The following NDUFAF6 variants were observed in gnomAD, a reference collection of about 807,000 sequenced individuals.
The protein encoded by NDUFAF6 is NADH:ubiquinone oxidoreductase complex assembly factor 6.
Under a neutral mutation model 40.8 loss-of-function variants are expected in NDUFAF6, and 45 were observed. The ratio of observed to expected loss-of-function variants is 1.10; its 90% CI spans 0.87 to 1.42. The LOEUF is 1.42. Ranked by LOEUF, NDUFAF6 falls within the 40% of genes most tolerant of loss-of-function variation. NDUFAF6 has a pLI of 0.00. For synonymous variants in NDUFAF6, 185 were observed against 155.9 expected, an observed-to-expected ratio of 1.19 and a Z score of -1.39; for missense variants, 435 against 418.5, an observed-to-expected ratio of 1.04 and a Z score of -0.34.
rs142562588 is a variant in NDUFAF6 at position 95,042,036 on chromosome 8, A to G, written c.477+410A>G. On this transcript the variant is annotated intron_variant, in intron 4 of 8. Transcript: ENST00000396124. The stretch of plus-strand genomic sequence containing the variant: ...AAAACATAGCCATGATATGATTATC[A>G]TACCTTAAAAATTACTAATTATTCC... 7.4e-3 allele frequency among the ~76,000 whole-genome samples: 1,121 copies of G among 152,376 alleles called. 16 individuals are homozygous for G. The highest frequency in any genetic ancestry group is 0.025 in the African/African-American group (1,057 of 41,592).
At chr8:94,914,823 G>C (rs1194134249) in intron 1 of NDUFAF6, among the ~76,000 whole-genome samples, 1 of 148,346 alleles carries the variant, frequency 6.7e-6, no homozygotes, top group African/African-American at 2.5e-5. Context: ...AGGCGGAGGC[G>C]TCTCAAAAAA....
At chr8:95,064,015 G>A (rs188483985) in intron 9 of NDUFAF6, among the ~76,000 whole-genome samples, 3 of 147,150 alleles carry the variant, frequency 2.0e-5, no homozygotes, top group Non-Finnish European at 3.0e-5. Flanking sequence ...GGGACTACAC[G>A]TGCCCGCCAC....
intron 1 of NDUFAF6, among the ~76,000 whole-genome samples, chr8:95,029,598 A>G (rs545186595): frequency 1.3e-5 from 2 of 152,340 alleles, no homozygotes; most frequent in Admixed American, 6.5e-5. Flanking sequence ...TACATCCAAA[A>G]TCATGTGCTA....
intron 8 of NDUFAF6, among the ~76,000 whole-genome samples, chr8:95,053,925 CTT>C (rs71273448): frequency 1.1e-4 from 4 of 37,040 alleles, no homozygotes; most frequent in Admixed American, 4.6e-4. Flanking sequence ...CCGTGCCCGG[CTT>C]TTTTTTTTTT....
At chr8:94,984,383 G>C (rs1455565948) in intron 2 of NDUFAF6, among the ~76,000 whole-genome samples, 1 of 152,176 alleles carries the variant, frequency 6.6e-6, no homozygotes, top group Non-Finnish European at 1.5e-5. Flanking sequence ...ATTTGGGCAA[G>C]AGCCATATAT....
At chr8:94,942,641 G>C (rs190071349) in intron 1 of NDUFAF6, among the ~76,000 whole-genome samples, 1 of 152,368 alleles carries the variant, frequency 6.6e-6, no homozygotes, top group Admixed American at 6.5e-5. Flanking sequence ...GCACAGGGGA[G>C]ATGGCTGTGA....
In NDUFAF6 at chr8:95,045,514, A is replaced by G. The variant is rs563241529; in HGVS notation, c.478-31A>G. 1.1e-4 allele frequency: 166 copies of G among 1,512,320 alleles called. 1 individual carries two copies. In the African/African-American group the frequency reaches 1.1e-3, roughly 10 times the overall value. 93.7% of individuals were successfully genotyped at this position (1,512,320 alleles called of 1,614,324 possible). On this transcript the variant is annotated intron_variant, in intron 4 of 8. Transcript: ENST00000396124. Reference sequence around the variant, plus strand: ...TTCTTTCTAAAATATTGACAGTTCAACAGACTTTATTTGCATTTTATTTGA... The same window carrying G: ...TTCTTTCTAAAATATTGACAGTTCAGCAGACTTTATTTGCATTTTATTTGA...
intron 1 of NDUFAF6, among the ~76,000 whole-genome samples, chr8:94,934,547 G>A (rs1405424106): frequency 6.6e-6 from 1 of 151,794 alleles, no homozygotes; most frequent in East Asian, 1.9e-4. Context: ...CAGCAAGCCT[G>A]GCTAATTTTT....
downstream of NDUFAF6, among the ~76,000 whole-genome samples, chr8:95,117,858 T>A (rs1810167217): frequency 1.3e-5 from 2 of 152,218 alleles, no homozygotes; most frequent in Admixed American, 1.3e-4. Context: ...ACTGCATGGA[T>A]ATCAGCTGCT....
At chr8:94,930,316 A>G (rs1820264917) in intron 1 of NDUFAF6, 3 of 938,334 alleles carry the variant, frequency 3.2e-6, no homozygotes, top group South Asian at 3.5e-5. Flanking sequence ...TGTGATACAC[A>G]GCATATAAAT....
intron 4 of NDUFAF6, among the ~76,000 whole-genome samples, chr8:95,043,247 G>A (rs1405778729): frequency 6.6e-6 from 1 of 150,828 alleles, no homozygotes; most frequent in African/African-American, 2.5e-5. Flanking sequence ...ACCACACTCG[G>A]CTAATTTTTT....
At chr8:94,948,181 C>A (rs558402010) in intron 2 of NDUFAF6, among the ~76,000 whole-genome samples, 4 of 152,252 alleles carry the variant, frequency 2.6e-5, no homozygotes, top group East Asian at 3.9e-4. Flanking sequence ...TCAGAAAATA[C>A]AAGCAAAACA....
intron 1 of NDUFAF6, among the ~76,000 whole-genome samples, chr8:94,909,996 A>G (rs1464350847): frequency 2.0e-5 from 3 of 151,718 alleles, no homozygotes; most frequent in African/African-American, 7.3e-5. Context: ...CCTTTCTGAC[A>G]TGGCCCTTCT....
At chr8:94,981,552 A>G (rs1421384228) in intron 2 of NDUFAF6, among the ~76,000 whole-genome samples, 1 of 152,138 alleles carries the variant, frequency 6.6e-6, no homozygotes, top group South Asian at 2.1e-4. Flanking sequence ...AAGGGAACAC[A>G]TCTTTTGAGC....
At chr8:94,930,201 T>C in intron 1 of NDUFAF6, 1 of 365,688 alleles carries the variant, frequency 2.7e-6, no homozygotes, top group Non-Finnish European at 4.9e-6. Flanking sequence ...ATGTATAACC[T>C]AATATATTTA....
intron 9 of NDUFAF6, among the ~76,000 whole-genome samples, chr8:95,075,311 T>A (rs1832995545): frequency 6.6e-6 from 1 of 152,208 alleles, no homozygotes; most frequent in African/African-American, 2.4e-5. Context: ...CATACAATAA[T>A]GTCATTTTTA....
chr8:94,940,142 G>A, intron 1 of NDUFAF6: 1 of 1,614,198 alleles, frequency 6.2e-7, no homozygotes, highest in Middle Eastern at 1.6e-4. Context: ...GGAAAAGACT[G>A]AAGGGTGCTC....
At chr8:94,942,037 G>A (rs1051228641) in intron 1 of NDUFAF6, among the ~76,000 whole-genome samples, 2 of 149,434 alleles carry the variant, frequency 1.3e-5, no homozygotes, top group East Asian at 2.0e-4. Context: ...CACCCTTCAC[G>A]CTTTTTTTTT....
At chr8:95,004,836 C>T (rs1429064309) in intron 2 of NDUFAF6, among the ~76,000 whole-genome samples, 1 of 152,194 alleles carries the variant, frequency 6.6e-6, no homozygotes, top group African/African-American at 2.4e-5. Context: ...CATGATCCAT[C>T]TGTTCTGTGA....
Sources: gnomAD v4.1 joint callset for allele counts (sites outside exome capture counted in the v4.1 genomes callset) on GRCh38, gnomAD v4.1.1 for gene constraint, MANE v1.5 for transcripts, NCBI Gene and HGNC (gene_info 2026-07-23, HGNC 2026-07-21) for gene names.